The following SV2C variants were observed in gnomAD, a reference collection of about 807,000 sequenced individuals.
The protein encoded by SV2C is synaptic vesicle glycoprotein 2C.
A neutral mutation model predicts 79.7 loss-of-function variants in SV2C; 49 were observed. That is an observed-to-expected ratio of 0.61 (90% CI 0.49 to 0.78). The LOEUF (loss-of-function observed/expected upper bound fraction) is 0.78. SV2C is among the 30% of genes least tolerant of loss of function. The pLI, the probability that SV2C is intolerant of heterozygous loss-of-function variation, is 0.00. For missense variants in SV2C, 833 were observed against 912.9 expected (o/e 0.91, Z 1.13); for synonymous variants, 334 against 333.2 (o/e 1.00, Z -0.03).
chr5:76,062,423 C>G, the SV2C span, among the ~76,000 whole-genome samples: 1 of 152,064 alleles, frequency 6.6e-6, no homozygotes, highest in Non-Finnish European at 1.5e-5. Context: ...AAGGCACCAT[C>G]TTGGAAGCAG....
chr5:75,998,192 G>A, the SV2C span, among the ~76,000 whole-genome samples: 23 of 152,096 alleles, frequency 1.5e-4, no homozygotes, highest in Admixed American at 1.3e-3. Context: ...GGCCTGATAC[G>A]GGGTGGGAGG....
At chr5:76,054,126 C>T in the SV2C span, among the ~76,000 whole-genome samples, 8 of 152,084 alleles carry the variant, frequency 5.3e-5, no homozygotes, top group Middle Eastern at 3.4e-3. Flanking sequence ...GGTATTTGTC[C>T]AAATGCTCTC....
the SV2C span, among the ~76,000 whole-genome samples, chr5:75,966,588 GT>G: frequency 6.6e-6 from 1 of 152,160 alleles, no homozygotes; most frequent in Non-Finnish European, 1.5e-5. Flanking sequence ...TTATTCTAGA[GT>G]TTTCTGAATA....
chr5:75,968,342 T>G, the SV2C span, among the ~76,000 whole-genome samples: 1 of 151,968 alleles, frequency 6.6e-6, no homozygotes, highest in African/African-American at 2.4e-5. Context: ...CTTTGATGAG[T>G]TGAGAGAAGA....
intron 4 of SV2C, among the ~76,000 whole-genome samples, chr5:76,270,843 A>G (rs1442897503): frequency 1.3e-5 from 2 of 151,692 alleles, no homozygotes; most frequent in Non-Finnish European, 2.9e-5. Flanking sequence ...ATCTCAGCTC[A>G]CTGCAGTCTC....
intron 1 of SV2C, among the ~76,000 whole-genome samples, chr5:76,085,809 T>C (rs1747170249): frequency 8.2e-6 from 1 of 121,426 alleles, no homozygotes; most frequent in Admixed American, 8.6e-5. Flanking sequence ...ATGGAAAATA[T>C]TAGCAAACAA....
At chr5:75,945,989 A>AT in the SV2C span, among the ~76,000 whole-genome samples, 1 of 151,736 alleles carries the variant, frequency 6.6e-6, no homozygotes, top group East Asian at 1.9e-4. Flanking sequence ...AAGATCTCAA[A>AT]TTAATAACCA....
intron 1 of SV2C, among the ~76,000 whole-genome samples, chr5:76,116,834 T>C (rs1056755739): frequency 6.6e-6 from 1 of 152,150 alleles, no homozygotes; most frequent in Non-Finnish European, 1.5e-5. Context: ...CAAAGAGCTA[T>C]GAGATCTTGG....
chr5:75,863,901 C>A, the SV2C span, among the ~76,000 whole-genome samples: 1 of 152,146 alleles, frequency 6.6e-6, no homozygotes, highest in African/African-American at 2.4e-5. Flanking sequence ...TAAGGTATAT[C>A]AAGCTTTCAA....
chr5:76,205,334 C>G (rs913904060), intron 3 of SV2C, among the ~76,000 whole-genome samples: 9 of 152,096 alleles, frequency 5.9e-5, no homozygotes, highest in African/African-American at 2.2e-4. Flanking sequence ...CTCTGAAATT[C>G]CAAATATTAA....
At chr5:75,866,159 C>T in the SV2C span, among the ~76,000 whole-genome samples, 2 of 152,112 alleles carry the variant, frequency 1.3e-5, no homozygotes, top group Non-Finnish European at 2.9e-5. Context: ...ACCTATTTTT[C>T]GTAACACGTT....
chr5:76,129,383 T>A (rs527836929), intron 1 of SV2C, among the ~76,000 whole-genome samples: 1 of 152,276 alleles, frequency 6.6e-6, no homozygotes, highest in East Asian at 1.9e-4. Context: ...TGAGAAATCT[T>A]GAAAGACAAA....
downstream of SV2C, among the ~76,000 whole-genome samples, chr5:76,338,480 A>G (rs554014728): frequency 6.6e-6 from 1 of 152,306 alleles, no homozygotes; most frequent in Admixed American, 6.5e-5. Flanking sequence ...CAAAGGGCTA[A>G]GTGATGTATA....
At chr5:75,929,375 A>G in the SV2C span, among the ~76,000 whole-genome samples, 1 of 151,978 alleles carries the variant, frequency 6.6e-6, no homozygotes, top group African/African-American at 2.4e-5. Context: ...AGATGAGCCC[A>G]GGGAGTGTTT....
chr5:76,254,535 C>T (rs1746212665), intron 4 of SV2C, among the ~76,000 whole-genome samples: 1 of 152,060 alleles, frequency 6.6e-6, no homozygotes, highest in Non-Finnish European at 1.5e-5. Context: ...AATTTCCAGG[C>T]ATGGAAGGTA....
At chr5:76,008,768 A>T in the SV2C span, among the ~76,000 whole-genome samples, 1 of 152,042 alleles carries the variant, frequency 6.6e-6, no homozygotes, top group African/African-American at 2.4e-5. Context: ...CATTTCACTT[A>T]TCCAATCTAA....
At chr5:75,854,687 A>G in the SV2C span, among the ~76,000 whole-genome samples, 1 of 152,132 alleles carries the variant, frequency 6.6e-6, no homozygotes, top group African/African-American at 2.4e-5. Context: ...TCATAATGGT[A>G]TCTTTTGAAG....
At chr5:76,153,470 C>T (rs926583279) in intron 2 of SV2C, among the ~76,000 whole-genome samples, 4 of 152,164 alleles carry the variant, frequency 2.6e-5, no homozygotes, top group African/African-American at 9.7e-5. Context: ...CTCAAATTGC[C>T]TTTCTTAGTC....
At chr5:76,273,470 A>G (rs1746935309) in intron 4 of SV2C, among the ~76,000 whole-genome samples, 1 of 152,196 alleles carries the variant, frequency 6.6e-6, no homozygotes, top group East Asian at 1.9e-4. Context: ...CTCACAGAAG[A>G]TATTCCAGAA....
Sources: allele counts gnomAD v4.1 joint callset (sites outside exome capture counted in the v4.1 genomes callset), GRCh38; gene constraint gnomAD v4.1.1; transcripts MANE v1.5; gene names NCBI Gene and HGNC (gene_info 2026-07-23, HGNC 2026-07-21).